Variants in AGBL4 observed in about 807,000 individuals in gnomAD.
AGBL4 encodes the protein cytosolic carboxypeptidase 6.
AGBL4 carries 58 observed loss-of-function variants against 66.4 expected under a neutral mutation model. The observed-to-expected ratio is 0.87, with a 90% CI of 0.71 to 1.09. The LOEUF (loss-of-function observed/expected upper bound fraction) is 1.09. AGBL4 is among the 50% of genes least tolerant of loss of function. The probability of loss-of-function intolerance (pLI) is 0.00; values close to 1 mark genes in which losing one functional copy is unlikely to be tolerated. For synonymous variants in AGBL4, 234 were observed against 222.9 expected (o/e 1.05, Z -0.44); for missense variants, 579 against 631.0 (o/e 0.92, Z 0.88).
intron 3 of AGBL4, among the ~76,000 whole-genome samples, chr1:49,292,094 C>T (rs112603296): frequency 1.9e-3 from 292 of 152,340 alleles, no homozygotes; most frequent in Non-Finnish European, 3.0e-3. Flanking sequence ...GCACCCACTC[C>T]GATCTCAGAG....
chr1:48,963,147 G>A (rs1571110423), intron 5 of AGBL4, among the ~76,000 whole-genome samples: 1 of 146,768 alleles, frequency 6.8e-6, no homozygotes, highest in Non-Finnish European at 1.5e-5. Flanking sequence ...AGTGTCTGGT[G>A]AGGGTAAACC....
intron 11 of AGBL4, among the ~76,000 whole-genome samples, chr1:48,549,443 C>G (rs1278838971): frequency 6.6e-6 from 1 of 151,726 alleles, no homozygotes; most frequent in Non-Finnish European, 1.5e-5. Flanking sequence ...GTAAGAAGAC[C>G]TGTGAAAGAG....
intron 1 of AGBL4, among the ~76,000 whole-genome samples, chr1:49,998,431 G>A (rs970352424): frequency 6.6e-6 from 1 of 152,024 alleles, no homozygotes; most frequent in Admixed American, 6.6e-5. Flanking sequence ...CAGAAAGATT[G>A]AAATGGTAAT....
intron 2 of AGBL4, among the ~76,000 whole-genome samples, chr1:49,727,891 C>A (rs1649152698): frequency 6.6e-6 from 1 of 151,892 alleles, no homozygotes; most frequent in Admixed American, 6.6e-5. Context: ...ACCCATATTC[C>A]CCAAGGTGAA....
intron 1 of AGBL4, among the ~76,000 whole-genome samples, chr1:49,966,495 C>A (rs1016279354): frequency 1.3e-5 from 2 of 152,124 alleles, no homozygotes; most frequent in Admixed American, 1.3e-4. Flanking sequence ...CTGCTGAAAA[C>A]TCAAAACAAC....
intron 3 of AGBL4, among the ~76,000 whole-genome samples, chr1:49,622,941 T>A (rs916415649): frequency 6.6e-6 from 1 of 152,184 alleles, no homozygotes; most frequent in Admixed American, 6.6e-5. Flanking sequence ...TGATATCTTT[T>A]CAGATTCCTA....
intron 6 of AGBL4, among the ~76,000 whole-genome samples, chr1:48,824,964 T>A (rs1646394058): frequency 6.6e-6 from 1 of 152,216 alleles, no homozygotes; most frequent in Admixed American, 6.5e-5. Flanking sequence ...ATTTATGCAA[T>A]TAGAACTGTA....
At chr1:48,645,541 G>A (rs192777808) in intron 8 of AGBL4, among the ~76,000 whole-genome samples, 2 of 152,288 alleles carry the variant, frequency 1.3e-5, no homozygotes, top group East Asian at 1.9e-4. Context: ...CAGAAGAAGC[G>A]TGGTCCCCAG....
chr1:49,923,573 G>T (rs957578531), intron 1 of AGBL4, among the ~76,000 whole-genome samples: 3 of 151,884 alleles, frequency 2.0e-5, no homozygotes, highest in Non-Finnish European at 4.4e-5. Flanking sequence ...ATTTGACTAA[G>T]GTCTAATATC....
At chr1:49,513,160 C>G (rs1649433705) in intron 3 of AGBL4, among the ~76,000 whole-genome samples, 1 of 152,036 alleles carries the variant, frequency 6.6e-6, no homozygotes, top group East Asian at 1.9e-4. Context: ...AGTGTTCTTT[C>G]TAGTATAAAT....
chr1:49,653,105 A>G (rs1200181668), intron 3 of AGBL4, among the ~76,000 whole-genome samples: 2 of 152,138 alleles, frequency 1.3e-5, no homozygotes, highest in South Asian at 2.1e-4. Context: ...GAGCTCCTAC[A>G]GTAAGGAACA....
chr1:49,583,901 T>C lies in AGBL4; in HGVS notation c.282+113412A>G, dbSNP rs117960253. Among the ~76,000 whole-genome samples, 65 of 152,264 alleles carry C rather than the reference T, an allele frequency of 4.3e-4. No homozygotes were observed. The East Asian group carries it at 0.012, about 29-fold the overall frequency. On this transcript the variant is annotated intron_variant, in intron 3 of 13. Coordinates refer to ENST00000371839, the MANE Select transcript of AGBL4 (RefSeq NM_032785.4). ...TGGCTTATCTTAAATGGATGTGGCA[T>C]ATACCCTTAAGCCAGTCCTGAAGCC...
chr1:49,871,767 CA>C (rs1646844050), intron 1 of AGBL4, among the ~76,000 whole-genome samples: 2 of 152,074 alleles, frequency 1.3e-5, no homozygotes, highest in African/African-American at 4.8e-5. Context: ...TTATCAGTAG[CA>C]ATTATGGTTA....
intron 3 of AGBL4, among the ~76,000 whole-genome samples, chr1:49,547,161 T>C (rs1297935283): frequency 1.3e-5 from 2 of 152,236 alleles, no homozygotes; most frequent in Non-Finnish European, 2.9e-5. Context: ...CCTTAATCCA[T>C]CTTGTGTTGA....
chr1:49,541,130 C>A (rs1021409721), intron 3 of AGBL4, among the ~76,000 whole-genome samples: 1 of 152,180 alleles, frequency 6.6e-6, no homozygotes, highest in Non-Finnish European at 1.5e-5. Flanking sequence ...TTATATGTGA[C>A]AATGCTTGTA....
chr1:49,133,080 C>T (rs185767051), intron 4 of AGBL4, among the ~76,000 whole-genome samples: 5 of 152,152 alleles, frequency 3.3e-5, no homozygotes, highest in Non-Finnish European at 7.4e-5. Flanking sequence ...GAGTTCATGT[C>T]CTTTGCAGGG....
chr1:49,120,143 T>A (rs1285935497), intron 4 of AGBL4, among the ~76,000 whole-genome samples: 2 of 152,222 alleles, frequency 1.3e-5, no homozygotes, highest in Admixed American at 6.5e-5. Context: ...TTTGCCAGTC[T>A]GTGTCTTTTA....
intron 2 of AGBL4, among the ~76,000 whole-genome samples, chr1:49,804,484 A>G (rs1644933058): frequency 6.6e-6 from 1 of 152,210 alleles, no homozygotes; most frequent in African/African-American, 2.4e-5. Context: ...AGTATTCAAC[A>G]TTTATTATGG....
intron 3 of AGBL4, among the ~76,000 whole-genome samples, chr1:49,383,806 T>A (rs868829392): frequency 0.014 from 2,034 of 149,022 alleles, 44 homozygotes; most frequent in African/African-American, 0.046. Flanking sequence ...TATATATATT[T>A]TTTTTTTTTG....
Sources: gnomAD v4.1 joint callset for allele counts (sites outside exome capture counted in the v4.1 genomes callset) on GRCh38, gnomAD v4.1.1 for gene constraint, MANE v1.5 for transcripts, NCBI Gene and HGNC (gene_info 2026-07-23, HGNC 2026-07-21) for gene names.